FSIP1: variants seen among roughly 807,000 people sequenced by gnomAD.
FSIP1 encodes fibrous sheath interacting protein 1.
Under a neutral mutation model 60.9 loss-of-function variants are expected in FSIP1, and 65 were observed. The observed-to-expected ratio is 1.07, with a 90% CI of 0.87 to 1.31. The LOEUF (loss-of-function observed/expected upper bound fraction) is 1.31, where lower values mean the gene tolerates loss of function less well. Ranked by LOEUF, FSIP1 falls within the 40% of genes most tolerant of loss-of-function variation. The probability of loss-of-function intolerance (pLI) is 0.00; values close to 1 mark genes in which losing one functional copy is unlikely to be tolerated. For missense variants in FSIP1, 675 were observed against 665.5 expected, an observed-to-expected ratio of 1.01 and a Z score of -0.16; for synonymous variants, 209 against 221.2, an observed-to-expected ratio of 0.94 and a Z score of 0.49.
In FSIP1 at chr15:39,603,417, T is replaced by C. The variant is rs113892807; in HGVS notation, c.1700-2491A>G. Reference sequence around the variant, plus strand: ...TGTTTTAAATCTCACCAGGTGATTCTAACATGCAGCCAGAGGTAAGAGGCA... The same window carrying C: ...TGTTTTAAATCTCACCAGGTGATTCCAACATGCAGCCAGAGGTAAGAGGCA... On this transcript the variant is annotated intron_variant, in intron 11 of 11. Coordinates refer to ENST00000350221, the MANE Select transcript of FSIP1 (RefSeq NM_152597.5). Among the ~76,000 whole-genome samples the C allele has an allele frequency of 4.8e-3, 725 of 152,314 alleles. 3 individuals are homozygous for C. The highest frequency in any genetic ancestry group is 0.013 in the African/African-American group (543 of 41,578).
chr15:39,662,102 C>G (rs1250861253), intron 10 of FSIP1, among the ~76,000 whole-genome samples: 1 of 152,088 alleles, frequency 6.6e-6, no homozygotes, highest in Admixed American at 6.6e-5. Flanking sequence ...CATTAAAAGA[C>G]TTCTTTTCTA....
rs549079525 is a variant in FSIP1 at position 39,623,710 on chromosome 15, A to G, written c.1189-5465T>C. ...GGGTTGAGGTTTGCTGTAAGATCAA[A>G]GAAGTCATTTCATGGACAACGACAA... On this transcript the variant is annotated intron_variant, in intron 10 of 11. Transcript: ENST00000350221. Among the ~76,000 whole-genome samples, 5 of 152,338 alleles carry G rather than the reference A, an allele frequency of 3.3e-5. No homozygotes were observed. In the South Asian group the frequency reaches 1.0e-3, roughly 32 times the overall value.
chr15:39,601,678 C>A (rs766802230), intron 11 of FSIP1, among the ~76,000 whole-genome samples: 20 of 152,124 alleles, frequency 1.3e-4, no homozygotes, highest in Non-Finnish European at 2.5e-4. Flanking sequence ...AATGGATAAG[C>A]AAAATGTGAT....
At chr15:39,640,005 G>A (rs1224194838) in intron 10 of FSIP1, among the ~76,000 whole-genome samples, 3 of 152,168 alleles carry the variant, frequency 2.0e-5, no homozygotes, top group Non-Finnish European at 4.4e-5. Context: ...AGGGTACCCA[G>A]CAAAGAGAAG....
intron 10 of FSIP1, among the ~76,000 whole-genome samples, chr15:39,672,015 A>C (rs2411301): frequency 0.59 from 89,394 of 152,036 alleles, 29,149 homozygotes; most frequent in Non-Finnish European, 0.75. Flanking sequence ...ACTTTCCTGC[A>C]TCCAGAAAAT....
chr15:39,774,914 C>A (rs1483534794), intron 2 of FSIP1, among the ~76,000 whole-genome samples: 1 of 152,188 alleles, frequency 6.6e-6, no homozygotes, highest in Non-Finnish European at 1.5e-5. Flanking sequence ...GACCTGAGAA[C>A]CCATAATCCA....
intron 9 of FSIP1, among the ~76,000 whole-genome samples, chr15:39,718,657 T>C (rs957385461): frequency 1.3e-5 from 2 of 152,082 alleles, no homozygotes; most frequent in African/African-American, 4.8e-5. Flanking sequence ...CCACCTCGCC[T>C]GGCTGATTTT....
intron 11 of FSIP1, among the ~76,000 whole-genome samples, chr15:39,606,739 G>A (rs1402416578): frequency 6.6e-6 from 1 of 151,982 alleles, no homozygotes; most frequent in East Asian, 1.9e-4. Context: ...AACTGATTTT[G>A]TGTCCGTTTT....
chr15:39,652,823 C>A (rs1415482474), intron 10 of FSIP1, among the ~76,000 whole-genome samples: 2 of 152,066 alleles, frequency 1.3e-5, no homozygotes, highest in Admixed American at 6.6e-5. Context: ...GAAATTACAA[C>A]AAAATGGTAA....
chr15:39,683,992 T>C (rs1354110715), intron 10 of FSIP1, among the ~76,000 whole-genome samples: 1 of 152,232 alleles, frequency 6.6e-6, no homozygotes, highest in Non-Finnish European at 1.5e-5. Context: ...CAATTCGGCA[T>C]AATAAAGCCA....
At chr15:39,661,047 G>C (rs1893276232) in intron 10 of FSIP1, among the ~76,000 whole-genome samples, 1 of 152,196 alleles carries the variant, frequency 6.6e-6, no homozygotes, top group African/African-American at 2.4e-5. Context: ...GAGCAACAGA[G>C]AGAGACTGCG....
At chr15:39,722,897 T>C (rs1283796975) in intron 9 of FSIP1, among the ~76,000 whole-genome samples, 2 of 152,060 alleles carry the variant, frequency 1.3e-5, no homozygotes, top group African/African-American at 4.8e-5. Flanking sequence ...ACCACTGTAC[T>C]TCCAGCCTGG....
At chr15:39,714,251 T>C (rs573506298) in intron 9 of FSIP1, among the ~76,000 whole-genome samples, 1 of 152,302 alleles carries the variant, frequency 6.6e-6, no homozygotes, top group South Asian at 2.1e-4. Flanking sequence ...TACTTCATTA[T>C]TGTCTGCAAT....
rs1322375863 is a variant in FSIP1, at chr15:39,739,534, A to G, written c.780+131T>C. 6 of 803,156 alleles carry G rather than the reference A, an allele frequency of 7.5e-6. No individual in the cohort carries two copies. The Admixed American group carries it at 1.5e-4, about 20-fold the overall frequency. 49.8% of individuals were successfully genotyped at this position (803,156 alleles called of 1,614,324 possible). A position where few individuals can be genotyped will look rare whatever the true frequency, so the allele number is the denominator to read the frequency against. ...TGGTTCATAAAAGTTTTCTTTCATT[A>G]TATCTACTAATTCAATCATTTATAC... is the stretch of plus-strand genomic sequence containing the variant. On this transcript the variant is annotated intron_variant, in intron 7 of 11. Transcript: ENST00000350221.
At chr15:39,599,289 C>T (rs755745758), downstream of FSIP1, 1 of 152,198 alleles carries the variant, frequency 6.6e-6, no homozygotes, top group Non-Finnish European at 1.5e-5. Context: ...GAGTTACCTT[C>T]AGTTGACATG....
At chr15:39,740,143 T>A (rs1896756366) in intron 6 of FSIP1, among the ~76,000 whole-genome samples, 2 of 152,210 alleles carry the variant, frequency 1.3e-5, no homozygotes, top group Admixed American at 1.3e-4. Context: ...ATATTTTTTA[T>A]TTCAGTCTTG....
At chr15:39,779,071 C>A (rs1441791805) in intron 1 of FSIP1, among the ~76,000 whole-genome samples, 1 of 151,878 alleles carries the variant, frequency 6.6e-6, no homozygotes, top group African/African-American at 2.4e-5. Flanking sequence ...TTAAAAGGAA[C>A]CTGAGAAACT....
intron 10 of FSIP1, among the ~76,000 whole-genome samples, chr15:39,674,147 C>T (rs979414545): frequency 2.6e-5 from 4 of 151,776 alleles, no homozygotes; most frequent in South Asian, 2.1e-4. Context: ...CTCCGCCTCC[C>T]GGGTTCATGC....
At position 39,731,607 on chromosome 15, in the gene FSIP1, G is replaced by C. The variant is rs115049218; in HGVS notation, c.892-4860C>G. Among the ~76,000 whole-genome samples, 457 of 151,308 alleles carry C rather than the reference G, an allele frequency of 3.0e-3. 2 individuals are homozygous for C. The highest frequency in any genetic ancestry group is 0.011 in the African/African-American group (438 of 40,560). ...TTACAGAAATAAGATATATGTAAAAGGTAGTAAATGGCATCATCATTTTTT... is the reference window on the plus strand; with the variant it reads ...TTACAGAAATAAGATATATGTAAAACGTAGTAAATGGCATCATCATTTTTT... On this transcript the variant is annotated intron_variant, in intron 8 of 11. Transcript: ENST00000350221.
Sources: gnomAD v4.1 joint callset for allele counts (sites outside exome capture counted in the v4.1 genomes callset) on GRCh38, gnomAD v4.1.1 for gene constraint, MANE v1.5 for transcripts, NCBI Gene and HGNC (gene_info 2026-07-23, HGNC 2026-07-21) for gene names.